SLC38A4: variants seen among roughly 807,000 people sequenced by gnomAD.
The protein encoded by SLC38A4 is solute carrier family 38 member 4, also known as sodium-coupled neutral amino acid transporter 4.
SLC38A4 carries 20 observed loss-of-function variants against 63.1 expected under a neutral mutation model. The observed-to-expected ratio is 0.32, with a 90% CI of 0.22 to 0.46. SLC38A4 has a LOEUF of 0.46. SLC38A4 is among the 20% of genes least tolerant of loss of function. SLC38A4 has a pLI of 1.00. For synonymous variants in SLC38A4, 230 were observed against 225.5 expected (o/e 1.02, Z -0.18); for missense variants, 526 against 663.6 (o/e 0.79, Z 2.28).
chr12:46,828,470 C>T (rs1159847934), upstream of SLC38A4, among the ~76,000 whole-genome samples: 1 of 152,028 alleles, frequency 6.6e-6, no homozygotes, highest in Non-Finnish European at 1.5e-5. Flanking sequence ...TACAGGCGCA[C>T]GTCACCACAT....
chr12:46,819,482 A>G lies in SLC38A4; in HGVS notation c.-305+6421T>C, dbSNP rs188488410. Among the ~76,000 whole-genome samples, 39 of 152,068 alleles carry G rather than the reference A, an allele frequency of 2.6e-4. No individual in the cohort carries two copies. The East Asian group carries it at 5.8e-3, about 23-fold the overall frequency. ...TTAAATACCAATTAAAAATTAAAAT[A>G]AGAAAATAAATGTTGGTTATATTTA... On this transcript the variant is annotated intron_variant, in intron 1 of 16. Transcript: ENST00000266579.
chr12:46,810,264 A>C (rs539137131), intron 1 of SLC38A4, among the ~76,000 whole-genome samples: 60 of 152,128 alleles, frequency 3.9e-4, no homozygotes, highest in Non-Finnish European at 7.2e-4. Flanking sequence ...GTGAAATAGA[A>C]AATCTAATAA....
At chr12:46,828,352 C>T (rs1468853773), upstream of SLC38A4, among the ~76,000 whole-genome samples, 2 of 151,992 alleles carry the variant, frequency 1.3e-5, no homozygotes, top group African/African-American at 4.8e-5. Context: ...GATGGAGTCT[C>T]GCTCCGTCGC....
Position 46,780,016 on chromosome 12 carries a change from G to A in SLC38A4, c.508C>T (p.Leu170Phe), listed in dbSNP as rs749134268. The A allele has an allele frequency of 1.2e-5, 20 of 1,611,836 alleles. No homozygotes were observed. The highest frequency in any genetic ancestry group is 2.7e-5 in the African/African-American group (2 of 74,756). ...MQNIGAMSSY[L>F]FIIKYELPEV... is the part of the protein sequence containing the mutation. ...GGTAGTTCATATTTAATGATAAAGA[G>A]GTAGCTTGACATTGCTAAAATGGAA... Residue 170 changes from leucine to phenylalanine, a missense_variant, in exon 8 of 17, where the codon CTC becomes TTC. Transcript: ENST00000266579.
chr12:46,802,271 A>G (rs115898609), intron 2 of SLC38A4, among the ~76,000 whole-genome samples: 1,537 of 152,200 alleles, frequency 0.01, 20 homozygotes, highest in African/African-American at 0.034. Flanking sequence ...TGTAGCATAC[A>G]TGATATTAAC....
intron 2 of SLC38A4, among the ~76,000 whole-genome samples, chr12:46,798,920 G>A (rs1038423678): frequency 1.1e-4 from 17 of 152,262 alleles, no homozygotes; most frequent in Admixed American, 1.1e-3. Flanking sequence ...CAGGGAACAG[G>A]AACTATGTCT....
intron 12 of SLC38A4, among the ~76,000 whole-genome samples, chr12:46,777,873 G>A (rs1268424718): frequency 6.6e-6 from 1 of 152,044 alleles, no homozygotes; most frequent in African/African-American, 2.4e-5. Flanking sequence ...CTAGACAAGG[G>A]TTAGGTGCTG....
At chr12:46,772,581 G>T (rs1938441805) in intron 14 of SLC38A4, among the ~76,000 whole-genome samples, 1 of 151,956 alleles carries the variant, frequency 6.6e-6, no homozygotes. Context: ...AGAAATGTTG[G>T]GCTGCTAGTG....
intron 2 of SLC38A4, among the ~76,000 whole-genome samples, chr12:46,796,555 T>C (rs2120842895): frequency 6.6e-6 from 1 of 152,254 alleles, no homozygotes; most frequent in Middle Eastern, 3.4e-3. Context: ...TGCTCCCTTG[T>C]AGGTTCTGTG....
chr12:46,793,016 C>T lies in SLC38A4; in HGVS notation c.56G>A (p.Ser19Asn), dbSNP rs769324797. The part of the protein sequence containing the change: ...VNIEPDDESS[S>N]GESAPDSYIG... The stretch of plus-strand genomic sequence containing the variant: ...GTAGCTATCTGGAGCACTTTCTCCA[C>T]TGCTGCTCTCATCATCTGGTTCGAT... Residue 19 changes from serine (S) to asparagine (N), a missense_variant, in exon 3 of 17, where the codon AGT becomes AAT. Transcript: ENST00000266579. 6 of 1,613,408 alleles carry T rather than the reference C, an allele frequency of 3.7e-6. No individual in the cohort carries two copies. The highest frequency in any genetic ancestry group is 5.1e-6 in the Non-Finnish European group (6 of 1,179,510).
intron 13 of SLC38A4, 55 bp downstream of exon 13, chr12:46,776,849 A>G: frequency 6.6e-7 from 1 of 1,511,028 alleles, no homozygotes; most frequent in South Asian, 1.1e-5. Flanking sequence ...TACCCAGGTC[A>G]AGGACCAGCC....
At chr12:46,816,016 C>T (rs555114535) in intron 1 of SLC38A4, among the ~76,000 whole-genome samples, 2 of 152,022 alleles carry the variant, frequency 1.3e-5, no homozygotes, top group African/African-American at 4.8e-5. Context: ...ACTGCTGCAA[C>T]ATCTGTTAAC....
At chr12:46,770,677 G>C (rs926135123) in intron 14 of SLC38A4, among the ~76,000 whole-genome samples, 7 of 152,010 alleles carry the variant, frequency 4.6e-5, no homozygotes, top group Admixed American at 1.3e-4. Context: ...ATTTGTGTTT[G>C]TACAGCTTGA....
chr12:46,830,995 G>C (rs560584990), upstream of SLC38A4, among the ~76,000 whole-genome samples: 14 of 152,162 alleles, frequency 9.2e-5, no homozygotes, highest in African/African-American at 1.7e-4. Flanking sequence ...ACGTATCCCT[G>C]AGTTTCCTAA....
At chr12:46,810,885 A>T (rs980515460) in intron 1 of SLC38A4, among the ~76,000 whole-genome samples, 1 of 152,012 alleles carries the variant, frequency 6.6e-6, no homozygotes, top group Non-Finnish European at 1.5e-5. Flanking sequence ...CTCCCTTAAA[A>T]AATCTTTGAT....
intron 5 of SLC38A4, among the ~76,000 whole-genome samples, chr12:46,785,471 T>C (rs74084196): frequency 0.018 from 2,769 of 152,174 alleles, 82 homozygotes; most frequent in African/African-American, 0.064. Context: ...CATTAGCAAA[T>C]GCTACATCTA....
intron 1 of SLC38A4, among the ~76,000 whole-genome samples, chr12:46,805,190 C>T (rs537248774): frequency 2.6e-5 from 4 of 151,972 alleles, no homozygotes; most frequent in Admixed American, 2.0e-4. Context: ...TGTTGTAATT[C>T]TGATCTTCAA....
chr12:46,816,759 C>T (rs10881003), intron 1 of SLC38A4, among the ~76,000 whole-genome samples: 11,071 of 151,802 alleles, frequency 0.073, 557 homozygotes, highest in Non-Finnish European at 0.11. Context: ...GGCTACTGAA[C>T]GGTTTTCTAA....
chr12:46,766,218 C>T lies in SLC38A4; in HGVS notation c.*483G>A. The T allele has an allele frequency of 2.8e-6, 1 of 359,440 alleles. No homozygotes were observed. The highest frequency in any genetic ancestry group is 5.5e-6 in the Non-Finnish European group (1 of 181,600). 22.3% of individuals were successfully genotyped at this position (359,440 alleles called of 1,614,324 possible). The stretch of plus-strand genomic sequence containing the variant: ...AACAGTTCCTAAGACATGCCTTTTG[C>T]CTCTGTTAGTAAACAGACCAGAGAC... On this transcript the variant is annotated 3_prime_UTR_variant, in exon 17 of 17. Coordinates refer to ENST00000266579, the MANE Select transcript of SLC38A4 (RefSeq NM_018018.5).
Sources: gnomAD v4.1 joint callset for allele counts (sites outside exome capture counted in the v4.1 genomes callset) on GRCh38, gnomAD v4.1.1 for gene constraint, MANE v1.5 for transcripts, NCBI Gene and HGNC (gene_info 2026-07-23, HGNC 2026-07-21) for gene names.